The following DLGAP2 variants were observed in gnomAD, a reference collection of about 807,000 sequenced individuals.
The protein encoded by DLGAP2 is disks large-associated protein 2.
Under a neutral mutation model 100.3 loss-of-function variants are expected in DLGAP2, and 26 were observed. The observed-to-expected ratio is 0.26, with a 90% confidence interval of 0.19 to 0.36. DLGAP2 has a LOEUF of 0.36. DLGAP2 is among the 10% of genes least tolerant of loss of function. DLGAP2 has a pLI of 1.00. For synonymous variants in DLGAP2, 886 were observed against 630.1 expected (o/e 1.41, Z -6.08); for missense variants, 1,858 against 1,453.2 (o/e 1.28, Z -4.53).
intron 1 of DLGAP2, among the ~76,000 whole-genome samples, chr8:790,146 G>C (rs754497637): frequency 3.3e-5 from 5 of 152,216 alleles, no homozygotes; most frequent in Non-Finnish European, 7.3e-5. Context: ...GCTCACAGGG[G>C]AGGAGTTTGG....
intron 1 of DLGAP2, among the ~76,000 whole-genome samples, chr8:879,823 A>G (rs1797752946): frequency 1.3e-5 from 2 of 152,202 alleles, no homozygotes; most frequent in Admixed American, 6.5e-5. Flanking sequence ...CCATAGCAAC[A>G]ACAGCCTCCA....
At chr8:1,076,935 T>G (rs1436480861) in intron 2 of DLGAP2, among the ~76,000 whole-genome samples, 1 of 117,236 alleles carries the variant, frequency 8.5e-6, no homozygotes, top group African/African-American at 3.4e-5. Flanking sequence ...GGAGGAGGAG[T>G]CTGTCCCGGG....
At chr8:1,373,140 G>A (rs989073488) in intron 3 of DLGAP2, among the ~76,000 whole-genome samples, 2 of 152,178 alleles carry the variant, frequency 1.3e-5, no homozygotes, top group South Asian at 2.1e-4. Context: ...GGGCGGGGGC[G>A]TCTTCATGGG....
intron 2 of DLGAP2, among the ~76,000 whole-genome samples, chr8:989,540 CAT>C (rs1800593877): frequency 2.0e-5 from 3 of 152,134 alleles, no homozygotes; most frequent in African/African-American, 2.4e-5. Flanking sequence ...AACTTTCTCA[CAT>C]GTCATGTGTG....
chr8:1,096,425 T>C (rs1458733826), intron 2 of DLGAP2, among the ~76,000 whole-genome samples: 1 of 152,248 alleles, frequency 6.6e-6, no homozygotes, highest in Non-Finnish European at 1.5e-5. Context: ...GCAGCAGCAC[T>C]CAACCTCTGT....
At chr8:1,091,203 G>A (rs563213066) in intron 2 of DLGAP2, among the ~76,000 whole-genome samples, 4 of 152,166 alleles carry the variant, frequency 2.6e-5, no homozygotes, top group East Asian at 1.9e-4. Context: ...ACGTCACTTC[G>A]TGAAGTACTG....
At chr8:1,081,408 G>T (rs1040941748) in intron 2 of DLGAP2, among the ~76,000 whole-genome samples, 1 of 152,218 alleles carries the variant, frequency 6.6e-6, no homozygotes, top group African/African-American at 2.4e-5. Flanking sequence ...TTGGAGTGCA[G>T]TGGCGCAGCC....
chr8:854,938 T>TG (rs1447014660), intron 1 of DLGAP2, among the ~76,000 whole-genome samples: 2 of 152,340 alleles, frequency 1.3e-5, no homozygotes, highest in East Asian at 3.9e-4. Flanking sequence ...AAGGTGGTGC[T>TG]GGCAGCAACC....
rs1563158954 is a variant in DLGAP2 at position 1,039,696 on chromosome 8, G to GCGTGGTCAGCTCGGTTTC, written c.73+131742_73+131759dup. ...TCGGTGTGCGTGGTCAGCTCGGTGT[G>GCGTGGTCAGCTCGGTTTC]CGTGGTCAGCTCGGTTTCCGTGGTC... On this transcript the variant is annotated intron_variant, in intron 2 of 14. Coordinates refer to ENST00000637795, the MANE Select transcript of DLGAP2 (RefSeq NM_001346810.2). Among the ~76,000 whole-genome samples the GCGTGGTCAGCTCGGTTTC allele has an allele frequency of 1.2e-3, 82 of 68,604 alleles. 12 individuals are homozygous for GCGTGGTCAGCTCGGTTTC. The highest frequency in any genetic ancestry group is 1.7e-3 in the Non-Finnish European group (58 of 33,224). 45.0% of individuals were successfully genotyped at this position (68,604 alleles called of 152,430 possible).
chr8:1,141,246 G>A (rs992371674), intron 2 of DLGAP2, among the ~76,000 whole-genome samples: 3 of 152,156 alleles, frequency 2.0e-5, no homozygotes, highest in African/African-American at 7.2e-5. Context: ...AGAGAAAGGT[G>A]TTCGTTTCAA....
At position 873,944 on chromosome 8, in the gene DLGAP2, T is replaced by A. The variant is rs1009490304; in HGVS notation, c.19-33968T>A. Reference sequence around the variant, plus strand: ...TTCTCTTGAGTCAGTTTTGGTAGTTTGTGTCTTTCTAGAAATGTGTCCATT... The same window carrying A: ...TTCTCTTGAGTCAGTTTTGGTAGTTAGTGTCTTTCTAGAAATGTGTCCATT... On this transcript the variant is annotated intron_variant, in intron 1 of 14. Transcript: ENST00000637795. 3.9e-5 allele frequency among the ~76,000 whole-genome samples: 6 copies of A among 152,294 alleles called. No homozygotes were observed. In the South Asian group the frequency reaches 6.2e-4, roughly 16 times the overall value.
At chr8:1,307,697 T>C (rs1282383658) in intron 3 of DLGAP2, among the ~76,000 whole-genome samples, 2 of 152,038 alleles carry the variant, frequency 1.3e-5, no homozygotes, top group Non-Finnish European at 2.9e-5. Context: ...TAAAAAGAAA[T>C]GAGATGCTGA....
At chr8:1,447,937 C>T (rs1030860897) in intron 3 of DLGAP2, among the ~76,000 whole-genome samples, 1 of 152,112 alleles carries the variant, frequency 6.6e-6, no homozygotes, top group Non-Finnish European at 1.5e-5. Context: ...GTGATATCCC[C>T]TTTATCTTTT....
chr8:841,360 T>C (rs936711406), intron 1 of DLGAP2, among the ~76,000 whole-genome samples: 5 of 152,322 alleles, frequency 3.3e-5, no homozygotes, highest in Non-Finnish European at 7.3e-5. Context: ...GCCTCTTCAC[T>C]TGGCTCTGAG....
At chr8:1,023,392 A>G (rs1435497993) in intron 2 of DLGAP2, among the ~76,000 whole-genome samples, 1 of 152,074 alleles carries the variant, frequency 6.6e-6, no homozygotes, top group Non-Finnish European at 1.5e-5. Context: ...ATGAGGTCTT[A>G]TGATGTTCCC....
At chr8:1,100,080 C>T (rs757085354) in intron 2 of DLGAP2, among the ~76,000 whole-genome samples, 8 of 152,242 alleles carry the variant, frequency 5.3e-5, no homozygotes, top group Admixed American at 4.6e-4. Flanking sequence ...CCTGCTCTGC[C>T]CTGCCTGGGA....
chr8:1,338,057 G>GAAACCAGGCC (rs1459237872), intron 3 of DLGAP2, among the ~76,000 whole-genome samples: 1 of 152,238 alleles, frequency 6.6e-6, no homozygotes, highest in Non-Finnish European at 1.5e-5. Flanking sequence ...GAGGACTGGA[G>GAAACCAGGCC]AAACCAGGCC....
intron 2 of DLGAP2, among the ~76,000 whole-genome samples, chr8:955,489 G>A (rs565347135): frequency 6.6e-6 from 1 of 152,224 alleles, no homozygotes; most frequent in South Asian, 2.1e-4. Flanking sequence ...GTGCTGCTCT[G>A]TGTGAGGTTC....
chr8:1,127,292 AC>A (rs1796189827), intron 2 of DLGAP2, among the ~76,000 whole-genome samples: 1 of 151,338 alleles, frequency 6.6e-6, no homozygotes, highest in Non-Finnish European at 1.5e-5. Flanking sequence ...GGTCGGGTGA[AC>A]CCCCATTCTC....
Sources: gnomAD v4.1 joint callset for allele counts (sites outside exome capture counted in the v4.1 genomes callset) on GRCh38, gnomAD v4.1.1 for gene constraint, MANE v1.5 for transcripts, NCBI Gene and HGNC (gene_info 2026-07-23, HGNC 2026-07-21) for gene names.